Variants in IL1RAPL2 observed in about 807,000 individuals in gnomAD.
IL1RAPL2 encodes the protein X-linked interleukin-1 receptor accessory protein-like 2.
IL1RAPL2 carries 3 observed loss-of-function variants against 44.1 expected under a neutral mutation model. That is an observed-to-expected ratio of 0.07 (90% CI 0.03 to 0.18). IL1RAPL2 has a LOEUF of 0.18. Among genes scored for constraint, IL1RAPL2 ranks in the 10% least tolerant of loss-of-function variants. The probability of loss-of-function intolerance (pLI) is 1.00; values close to 1 mark genes in which losing one functional copy is unlikely to be tolerated. For synonymous variants in IL1RAPL2, 181 were observed against 178.8 expected (o/e 1.01, Z -0.10); for missense variants, 391 against 496.4 (o/e 0.79, Z 2.02).
intron 5 of IL1RAPL2, among the ~76,000 whole-genome samples, chrX:105,423,811 A>G (rs5962516): frequency 0.028 from 3,068 of 108,845 alleles, 138 homozygotes; most frequent in African/African-American, 0.098. Flanking sequence ...TAAAGGAGTT[A>G]CCTACCTTCC....
intron 1 of IL1RAPL2, among the ~76,000 whole-genome samples, chrX:104,634,973 G>T (rs1398913620): frequency 3.6e-5 from 4 of 111,487 alleles, no homozygotes; most frequent in Non-Finnish European, 7.5e-5. Flanking sequence ...TTTTGCAGTG[G>T]CTGGTACTGA....
chrX:105,558,007 G>A (rs372353747), intron 6 of IL1RAPL2, among the ~76,000 whole-genome samples: 71 of 109,850 alleles, frequency 6.5e-4, no homozygotes, highest in Middle Eastern at 4.7e-3. Context: ...CCTTCAAACC[G>A]GTTAAAAAAA....
chrX:105,253,854 A>G (rs1402917797), intron 4 of IL1RAPL2, among the ~76,000 whole-genome samples: 1 of 111,898 alleles, frequency 8.9e-6, no homozygotes, highest in Non-Finnish European at 1.9e-5. Context: ...CTCCAGCTCC[A>G]TCCATGTTCC....
chrX:104,661,204 C>T (rs1930394774), intron 2 of IL1RAPL2, among the ~76,000 whole-genome samples: 1 of 111,354 alleles, frequency 9.0e-6, no homozygotes, highest in Non-Finnish European at 1.9e-5. Flanking sequence ...AGAATGGTTT[C>T]AGTCTCTGCT....
chrX:104,810,987 A>G (rs965300550), intron 2 of IL1RAPL2, among the ~76,000 whole-genome samples: 2 of 111,817 alleles, frequency 1.8e-5, no homozygotes, highest in Non-Finnish European at 3.8e-5. Context: ...TATTACATTT[A>G]TTTACATTAT....
chrX:105,193,971 T>A (rs1292477618), intron 2 of IL1RAPL2, among the ~76,000 whole-genome samples: 1 of 111,084 alleles, frequency 9.0e-6, no homozygotes, highest in Admixed American at 9.6e-5. Flanking sequence ...GAGAGAGAGA[T>A]CAGAAACCAG....
At chrX:105,640,665 T>C (rs1419280487) in intron 6 of IL1RAPL2, among the ~76,000 whole-genome samples, 1 of 77,958 alleles carries the variant, frequency 1.3e-5, no homozygotes, top group African/African-American at 7.1e-5. Flanking sequence ...TATATATATA[T>C]ATATATATAT....
intron 6 of IL1RAPL2, among the ~76,000 whole-genome samples, chrX:105,591,696 GTTGT>G (rs199651187): frequency 0.01 from 1,124 of 111,774 alleles, 9 homozygotes; most frequent in Non-Finnish European, 0.011. Context: ...TCAGGAGAAG[GTTGT>G]TTAATTTTCA....
chrX:105,423,085 A>G (rs1602405434), intron 5 of IL1RAPL2, among the ~76,000 whole-genome samples: 1 of 111,229 alleles, frequency 9.0e-6, no homozygotes, highest in Non-Finnish European at 1.9e-5. Flanking sequence ...ACTAAGTCAT[A>G]TCAGAATTAT....
chrX:105,669,215 G>A (rs978012551), intron 6 of IL1RAPL2, among the ~76,000 whole-genome samples: 11 of 111,595 alleles, frequency 9.9e-5, no homozygotes, highest in Non-Finnish European at 1.3e-4. Flanking sequence ...CAGGGTGGGT[G>A]TTTCTTAACC....
intron 5 of IL1RAPL2, among the ~76,000 whole-genome samples, chrX:105,390,487 G>A (rs1193840626): frequency 9.0e-6 from 1 of 111,643 alleles, no homozygotes; most frequent in Non-Finnish European, 1.9e-5. Flanking sequence ...TAAATGCCCT[G>A]AGAGAAATTT....
intron 4 of IL1RAPL2, among the ~76,000 whole-genome samples, chrX:105,262,571 T>G (rs762239671): frequency 1.8e-5 from 2 of 111,944 alleles, no homozygotes; most frequent in African/African-American, 6.5e-5. Context: ...CTGTTTTTTT[T>G]AAATAGGTGA....
At chrX:104,758,518 C>T (rs915108429) in intron 2 of IL1RAPL2, among the ~76,000 whole-genome samples, 1 of 110,776 alleles carries the variant, frequency 9.0e-6, no homozygotes, top group Non-Finnish European at 1.9e-5. Context: ...AAGAGAAAAC[C>T]GTCAGTGTTT....
chrX:105,350,018 A>G (rs147360775), intron 5 of IL1RAPL2, among the ~76,000 whole-genome samples: 1,972 of 112,139 alleles, frequency 0.018, 45 homozygotes, highest in African/African-American at 0.061. Context: ...GCCCTACCAG[A>G]ATATGTGGCA....
At chrX:104,885,998 A>G (rs1041958229) in intron 2 of IL1RAPL2, among the ~76,000 whole-genome samples, 1 of 112,547 alleles carries the variant, frequency 8.9e-6, no homozygotes, top group South Asian at 3.7e-4. Flanking sequence ...AGGCCTGGGT[A>G]TGTTTAACCA....
intron 2 of IL1RAPL2, among the ~76,000 whole-genome samples, chrX:104,984,758 T>G (rs898456524): frequency 8.9e-6 from 1 of 112,192 alleles, no homozygotes; most frequent in Non-Finnish European, 1.9e-5. Flanking sequence ...CATTTTAAGG[T>G]GTTTTTATTG....
intron 2 of IL1RAPL2, among the ~76,000 whole-genome samples, chrX:104,741,427 C>T (rs1368070698): frequency 3.6e-5 from 4 of 110,262 alleles, no homozygotes; most frequent in East Asian, 2.9e-4. Flanking sequence ...ATTTTTTGCC[C>T]AGGGTGATGA....
intron 5 of IL1RAPL2, among the ~76,000 whole-genome samples, chrX:105,305,978 T>G (rs1311459815): frequency 9.0e-6 from 1 of 111,357 alleles, no homozygotes; most frequent in Non-Finnish European, 1.9e-5. Context: ...TTGGATGATA[T>G]TCCTTATTAT....
intron 2 of IL1RAPL2, among the ~76,000 whole-genome samples, chrX:104,968,979 CTGTGTGTGTGTGTGTGTGTGTGTGTG>C (rs35842489): frequency 3.7e-5 from 3 of 82,050 alleles, no homozygotes; most frequent in Non-Finnish European, 4.7e-5. Context: ...TTGCCTTTTG[CTGTGTGTGTGTGTGTGTGTGTGTGTG>C]TGTGTGTGTG....
Sources: gnomAD v4.1 joint callset for allele counts (sites outside exome capture counted in the v4.1 genomes callset) on GRCh38, gnomAD v4.1.1 for gene constraint, MANE v1.5 for transcripts, NCBI Gene and HGNC (gene_info 2026-07-23, HGNC 2026-07-21) for gene names.